Variants in MX2 observed in about 807,000 individuals in gnomAD.
MX2 encodes the protein interferon-induced GTP-binding protein Mx2.
Under a neutral mutation model 74.0 loss-of-function variants are expected in MX2, and 51 were observed. The observed-to-expected ratio is 0.69, with a 90% CI of 0.55 to 0.87. The LOEUF is 0.87. Among genes scored for constraint, MX2 ranks in the 40% least tolerant of loss-of-function variants. The pLI is 0.00. For synonymous variants in MX2, 369 were observed against 339.3 expected, an observed-to-expected ratio of 1.09 and a Z score of -0.96; for missense variants, 832 against 908.7, an observed-to-expected ratio of 0.92 and a Z score of 1.09.
chr21:41,398,521 G>A lies in MX2; in HGVS notation c.1150-376G>A, dbSNP rs540790152. ...TTCACAAATGAGGCCAAGCAACATG[G>A]GAAGATTTAAATGTACCCTTAGAGC... On this transcript the variant is annotated intron_variant, in intron 8 of 13. Transcript: ENST00000330714. 7.9e-5 allele frequency among the ~76,000 whole-genome samples: 12 copies of A among 152,282 alleles called. No individual in the cohort carries two copies. In the South Asian group the frequency reaches 2.3e-3, roughly 29 times the overall value.
intron 3 of MX2, among the ~76,000 whole-genome samples, chr21:41,378,838 G>C (rs2089449838): frequency 6.6e-6 from 1 of 152,134 alleles, no homozygotes; most frequent in Non-Finnish European, 1.5e-5. Flanking sequence ...GCCCTGGCAG[G>C]TGCAGCGGCA....
At chr21:41,384,838 CAA>C (rs35609324) in intron 5 of MX2, among the ~76,000 whole-genome samples, 19 of 119,872 alleles carry the variant, frequency 1.6e-4, no homozygotes, top group Admixed American at 1.7e-4. Context: ...GATTCTGTCT[CAA>C]AAAAAAAAAA....
intron 5 of MX2, 165 bp from the exon 6 acceptor site, chr21:41,390,400 C>T (rs550878799): frequency 4.4e-4 from 413 of 942,302 alleles, no homozygotes; most frequent in Non-Finnish European, 6.1e-4. Context: ...CAGGGCAGGG[C>T]CGCCGGGGCA....
At chr21:41,406,314 G>T (rs1179910677) in intron 12 of MX2, among the ~76,000 whole-genome samples, 1 of 152,220 alleles carries the variant, frequency 6.6e-6, no homozygotes, top group Non-Finnish European at 1.5e-5. Flanking sequence ...GACTGCATGG[G>T]TGATGTAGGA....
chr21:41,406,870 C>G lies in MX2; in HGVS notation c.1777C>G (p.Arg593Gly). The change falls in exon 13 of 14, where the codon CGA becomes GGA. Residue 593 changes from arginine to glycine, a missense_variant. Coordinates refer to ENST00000330714, the MANE Select transcript of MX2 (RefSeq NM_002463.2). The stretch of plus-strand genomic sequence containing the variant: ...TTACAGTGTTGTTCTGAAGAAAGTC[C>G]GAGAAGAGATTTTTAACCCTCTGGG... ...QIYSVVLKKVREEIFNPLGTP... is the reference protein window; with the variant it reads ...QIYSVVLKKVGEEIFNPLGTP... 1 of 1,614,078 alleles carries G rather than the reference C, an allele frequency of 6.2e-7. No homozygotes were observed. The highest frequency in any genetic ancestry group is 8.5e-7 in the Non-Finnish European group (1 of 1,180,014).
chr21:41,391,843 G>A (rs996359759), intron 6 of MX2, among the ~76,000 whole-genome samples: 8 of 150,118 alleles, frequency 5.3e-5, no homozygotes, highest in African/African-American at 2.0e-4. Flanking sequence ...TTTTGTTTTA[G>A]GTTCAGGGGT....
rs78448680 is a variant in MX2, at chr21:41,398,586, T to C, written c.1150-311T>C. 5.5e-3 allele frequency among the ~76,000 whole-genome samples: 839 copies of C among 152,282 alleles called. 9 individuals are homozygous for C. Among genetic ancestry groups the C allele is most frequent in the African/African-American group, 0.019 (795 of 41,550 alleles). ...ATCCTAGGACTTGGCCCATGCTAAATTGTATATCAGACAAAAGCAATGACT... is the reference window on the plus strand; with the variant it reads ...ATCCTAGGACTTGGCCCATGCTAAACTGTATATCAGACAAAAGCAATGACT... On this transcript the variant is annotated intron_variant, in intron 8 of 13. Coordinates refer to ENST00000330714, the MANE Select transcript of MX2 (RefSeq NM_002463.2).
At chr21:41,374,388 C>T (rs1030887007) in intron 1 of MX2, among the ~76,000 whole-genome samples, 3 of 152,230 alleles carry the variant, frequency 2.0e-5, no homozygotes, top group Non-Finnish European at 4.4e-5. Context: ...TGCCCTGCCC[C>T]TCGCCGAGTG....
At chr21:41,383,095 A>G (rs2089520377) in intron 5 of MX2, among the ~76,000 whole-genome samples, 2 of 152,274 alleles carry the variant, frequency 1.3e-5, no homozygotes, top group Admixed American at 1.3e-4. Context: ...ACGGTGGCGC[A>G]TGCCTGTAAT....
At chr21:41,364,148 G>A (rs772969686) in intron 1 of MX2, 1 of 153,216 alleles carries the variant, frequency 6.5e-6, no homozygotes, top group Non-Finnish European at 1.5e-5. Flanking sequence ...GACCACCTCT[G>A]CCTGGACTCC....
Position 41,388,297 on chromosome 21 carries a change from G to C in MX2, c.733-2268G>C, listed in dbSNP as rs2089608919. ...ACCACATTTCCTGTCACTGCGCCTT[G>C]GCCCCTCGCTCCACCCTACCACATC... On this transcript the variant is annotated intron_variant, in intron 5 of 13. Coordinates refer to ENST00000330714, the MANE Select transcript of MX2 (RefSeq NM_002463.2). The surrounding 1 kb of genome is among the most constrained non-coding windows in gnomAD (Gnocchi z 4.0). 6.6e-6 allele frequency among the ~76,000 whole-genome samples: 1 copy of C among 152,146 alleles called. No individual in the cohort carries two copies. Among genetic ancestry groups the C allele is most frequent in the African/African-American group, 2.4e-5 (1 of 41,446 alleles).
At chr21:41,378,652 A>C (rs75399115) in intron 3 of MX2, among the ~76,000 whole-genome samples, 6,243 of 152,344 alleles carry the variant, frequency 0.041, 169 homozygotes, top group African/African-American at 0.086. Flanking sequence ...TTGTACATTC[A>C]TAATTTAATA....
intron 12 of MX2, 71 bp from the exon 13 acceptor site, chr21:41,406,673 C>T: frequency 6.7e-7 from 1 of 1,483,440 alleles, no homozygotes; most frequent in Non-Finnish European, 9.1e-7. Context: ...CATAATAGTA[C>T]TTCCAAATTT....
Position 41,377,037 on chromosome 21 carries a change from TG to T in MX2, c.132del (p.Met44IlefsTer25). 1 of 1,614,224 alleles carries T rather than the reference TG, an allele frequency of 6.2e-7. No individual in the cohort carries two copies. The highest frequency in any genetic ancestry group is 1.3e-5 in the African/African-American group (1 of 75,058). The part of the protein sequence containing the change: ...PPFGTVPPQM[M>X]FPPNWQGAEK... ...TTCGGCACAGTGCCACCACAAATGA[TG>T]TTTCCTCCAAACTGGCAGGGGGCAG... On this transcript the variant is annotated frameshift_variant, in exon 2 of 14. Coordinates refer to ENST00000330714, the MANE Select transcript of MX2 (RefSeq NM_002463.2). LOFTEE classifies it high-confidence loss of function.
chr21:41,406,881 T>C lies in MX2; in HGVS notation c.1788T>C (p.Ile596=), dbSNP rs776822660. 4.3e-6 allele frequency: 7 copies of C among 1,614,094 alleles called. No homozygotes were observed. The highest frequency in any genetic ancestry group is 5.1e-6 in the Non-Finnish European group (6 of 1,180,056). Residue 596 remains isoleucine (I), a synonymous_variant, in exon 13 of 14, where the codon ATT becomes ATC. Coordinates refer to ENST00000330714, the MANE Select transcript of MX2 (RefSeq NM_002463.2). ...SVVLKKVREE[I]FNPLGTPSQN... Reference sequence around the variant, plus strand: ...TTCTGAAGAAAGTCCGAGAAGAGATTTTTAACCCTCTGGGGACGCCTTCAC... The same window carrying C: ...TTCTGAAGAAAGTCCGAGAAGAGATCTTTAACCCTCTGGGGACGCCTTCAC...
chr21:41,389,052 A>T (rs556057715), intron 5 of MX2, among the ~76,000 whole-genome samples: 2 of 152,328 alleles, frequency 1.3e-5, no homozygotes, highest in East Asian at 3.9e-4. Context: ...GCCTGCAGAC[A>T]TCAGCAGGAC....
intron 12 of MX2, among the ~76,000 whole-genome samples, chr21:41,405,868 C>G (rs2145976783): frequency 7.6e-6 from 1 of 131,744 alleles, no homozygotes; most frequent in African/African-American, 2.9e-5. Flanking sequence ...CCACACCTGG[C>G]TAATTTGTGT....
At chr21:41,397,715 A>G in intron 8 of MX2, 24 bp downstream of exon 8, 1 of 1,601,446 alleles carries the variant, frequency 6.2e-7, no homozygotes, top group East Asian at 2.2e-5. Flanking sequence ...GTTGGGTGAC[A>G]AGTCATCAAT....
chr21:41,377,732 T>C, intron 2 of MX2, 57 bp from the exon 3 acceptor site: 1 of 1,533,168 alleles, frequency 6.5e-7, no homozygotes, highest in Non-Finnish European at 8.9e-7. Flanking sequence ...CACATCTCCA[T>C]GACACCAGGG....
Sources: allele counts gnomAD v4.1 joint callset (sites outside exome capture counted in the v4.1 genomes callset), GRCh38; gene constraint gnomAD v4.1.1; non-coding constraint Gnocchi (gnomAD v3.1); transcripts MANE v1.5; gene names NCBI Gene and HGNC (gene_info 2026-07-23, HGNC 2026-07-21).